SHISA6: variants seen among roughly 807,000 people sequenced by gnomAD.
SHISA6 encodes the protein shisa family member 6, also known as protein shisa-6.
A neutral mutation model predicts 47.9 loss-of-function variants in SHISA6; 22 were observed. The ratio of observed to expected loss-of-function variants is 0.46; its 90% CI spans 0.33 to 0.66. SHISA6 has a LOEUF of 0.66. Among genes scored for constraint, SHISA6 ranks in the 30% least tolerant of loss-of-function variants. The pLI is 0.02. For missense variants in SHISA6, 680 were observed against 764.6 expected, an observed-to-expected ratio of 0.89 and a Z score of 1.30; for synonymous variants, 388 against 337.8, an observed-to-expected ratio of 1.15 and a Z score of -1.63.
chr17:11,373,630 ACTCT>A (rs748852388), intron 2 of SHISA6, among the ~76,000 whole-genome samples: 13 of 151,600 alleles, frequency 8.6e-5, no homozygotes, highest in African/African-American at 2.9e-4. Flanking sequence ...ATATTTTAAA[ACTCT>A]CTCTGTGTCA....
At chr17:11,334,390 C>A (rs1911244464) in intron 2 of SHISA6, among the ~76,000 whole-genome samples, 2 of 152,112 alleles carry the variant, frequency 1.3e-5, no homozygotes, top group Admixed American at 6.5e-5. Context: ...TTTGAGAGTG[C>A]TTGAGAAACA....
intron 3 of SHISA6, among the ~76,000 whole-genome samples, chr17:11,508,005 T>G (rs2071514409): frequency 6.6e-6 from 1 of 152,186 alleles, no homozygotes. Context: ...GTTGCCTACA[T>G]TTCCACGATG....
At chr17:11,383,281 G>A (rs1913083082) in intron 3 of SHISA6, among the ~76,000 whole-genome samples, 1 of 152,150 alleles carries the variant, frequency 6.6e-6, no homozygotes, top group Non-Finnish European at 1.5e-5. Context: ...CTTGGAGACA[G>A]AAGCACCGTC....
At chr17:11,268,791 A>C (rs1468885208) in intron 2 of SHISA6, among the ~76,000 whole-genome samples, 3 of 152,210 alleles carry the variant, frequency 2.0e-5, no homozygotes, top group African/African-American at 7.2e-5. Flanking sequence ...TAGTTGCTCA[A>C]GAGCTGTTTG....
intron 2 of SHISA6, among the ~76,000 whole-genome samples, chr17:11,265,936 TCTC>T (rs1908408963): frequency 6.6e-6 from 1 of 152,166 alleles, no homozygotes; most frequent in South Asian, 2.1e-4. Flanking sequence ...TTCAAGAAAT[TCTC>T]CTCAAATTTC....
At chr17:11,288,737 A>G (rs1909414170) in intron 2 of SHISA6, 2 of 152,276 alleles carry the variant, frequency 1.3e-5, no homozygotes, top group South Asian at 2.1e-4. Context: ...ATTTTCTTCC[A>G]CTGATTCTCT....
chr17:11,374,162 T>A (rs1567587888), intron 2 of SHISA6, among the ~76,000 whole-genome samples: 1 of 152,214 alleles, frequency 6.6e-6, no homozygotes, highest in African/African-American at 2.4e-5. Context: ...AACACTACTT[T>A]ATGTGTATTT....
intron 3 of SHISA6, among the ~76,000 whole-genome samples, chr17:11,411,798 T>C (rs1421437276): frequency 6.6e-6 from 1 of 152,194 alleles, no homozygotes; most frequent in Non-Finnish European, 1.5e-5. Flanking sequence ...CTTAACTTGC[T>C]GATGTGACCT....
chr17:11,394,926 T>G (rs1913515672), intron 3 of SHISA6, among the ~76,000 whole-genome samples: 1 of 151,774 alleles, frequency 6.6e-6, no homozygotes, highest in African/African-American at 2.4e-5. Flanking sequence ...GTATATATTG[T>G]TTTATAATTG....
intron 3 of SHISA6, among the ~76,000 whole-genome samples, chr17:11,491,673 G>A (rs978361875): frequency 5.9e-5 from 9 of 152,092 alleles, no homozygotes; most frequent in African/African-American, 2.2e-4. Context: ...GCCTGGAAGA[G>A]CCCATTGAGG....
chr17:11,343,019 A>G (rs375340741), intron 2 of SHISA6, among the ~76,000 whole-genome samples: 7 of 152,212 alleles, frequency 4.6e-5, no homozygotes, highest in African/African-American at 1.7e-4. Flanking sequence ...AGAAAGTGGA[A>G]ACACAGGGAC....
At chr17:11,506,027 T>C (rs1002861465) in intron 3 of SHISA6, among the ~76,000 whole-genome samples, 2 of 152,172 alleles carry the variant, frequency 1.3e-5, no homozygotes, top group Non-Finnish European at 1.5e-5. Flanking sequence ...GTAGTTAAGA[T>C]ACAGCAACTG....
At chr17:11,335,569 A>C (rs967481488) in intron 2 of SHISA6, among the ~76,000 whole-genome samples, 1 of 152,180 alleles carries the variant, frequency 6.6e-6, no homozygotes, top group Non-Finnish European at 1.5e-5. Context: ...TGAGTAGTGC[A>C]GAATCCATGG....
chr17:11,361,546 A>G (rs141855904), intron 2 of SHISA6, among the ~76,000 whole-genome samples: 236 of 152,288 alleles, frequency 1.5e-3, no homozygotes, highest in African/African-American at 5.2e-3. Flanking sequence ...GAGGTAATTA[A>G]GTGGGTAACT....
chr17:11,428,572 ATTAG>A lies in SHISA6; in HGVS notation c.895+49067_895+49070del, dbSNP rs1252441435. 3.9e-5 allele frequency among the ~76,000 whole-genome samples: 6 copies of A among 152,334 alleles called. No individual in the cohort carries two copies. The East Asian group carries it at 9.7e-4, about 25-fold the overall frequency. On this transcript the variant is annotated intron_variant, in intron 3 of 5. Transcript: ENST00000441885. Reference sequence around the variant, plus strand: ...ATGCTTGGCATTCAGTAGTGTTTGTATTAGTTATCTATTGCAGCATAACAAATTA... The same window carrying A: ...ATGCTTGGCATTCAGTAGTGTTTGTATTATCTATTGCAGCATAACAAATTA...
intron 2 of SHISA6, among the ~76,000 whole-genome samples, chr17:11,330,356 AG>A (rs1911053200): frequency 6.6e-6 from 1 of 152,122 alleles, no homozygotes; most frequent in Non-Finnish European, 1.5e-5. Flanking sequence ...GTAGATGAAA[AG>A]CTCACATCTG....
chr17:11,518,801 G>C (rs2071605947), intron 3 of SHISA6, among the ~76,000 whole-genome samples: 1 of 152,186 alleles, frequency 6.6e-6, no homozygotes, highest in African/African-American at 2.4e-5. Context: ...AGCCAAGACA[G>C]AGAAACATTC....
At chr17:11,500,497 G>A (rs925924441) in intron 3 of SHISA6, among the ~76,000 whole-genome samples, 3 of 152,174 alleles carry the variant, frequency 2.0e-5, no homozygotes, top group Non-Finnish European at 4.4e-5. Flanking sequence ...AGGAAACTGA[G>A]GCGCAGGAGT....
rs79197990 is a variant in SHISA6, at chr17:11,538,064, A to G, written c.896-13832A>G. Reference sequence around the variant, plus strand: ...TGAACCTGAGTTTGTTGTTGTTGTTATTGTTGTTGTTTTTGAGATGGAGTC... The same window carrying G: ...TGAACCTGAGTTTGTTGTTGTTGTTGTTGTTGTTGTTTTTGAGATGGAGTC... On this transcript the variant is annotated intron_variant, in intron 3 of 5. Coordinates refer to ENST00000441885, the MANE Select transcript of SHISA6 (RefSeq NM_207386.4). Among the ~76,000 whole-genome samples the G allele has an allele frequency of 4.7e-3, 709 of 152,064 alleles. 13 individuals carry two copies. In the East Asian group the frequency reaches 0.07, roughly 15 times the overall value.
Sources: allele counts gnomAD v4.1 joint callset (sites outside exome capture counted in the v4.1 genomes callset), GRCh38; gene constraint gnomAD v4.1.1; transcripts MANE v1.5; gene names NCBI Gene and HGNC (gene_info 2026-07-23, HGNC 2026-07-21).